The following BARX2 variants were observed in gnomAD, a reference collection of about 807,000 sequenced individuals.
BARX2 encodes the protein BARX homeobox 2, also known as homeobox protein BarH-like 2.
A neutral mutation model predicts 25.5 loss-of-function variants in BARX2; 11 were observed. That is an observed-to-expected ratio of 0.43 (90% CI 0.27 to 0.71). The LOEUF (loss-of-function observed/expected upper bound fraction) is 0.71. Ranked by LOEUF, BARX2 falls within the 30% of genes least tolerant of loss-of-function variation. The pLI is 0.19. For missense variants in BARX2, 360 were observed against 359.9 expected (o/e 1.00, Z 0.00); for synonymous variants, 137 against 149.5 (o/e 0.92, Z 0.61).
intron 1 of BARX2, among the ~76,000 whole-genome samples, chr11:129,400,345 G>A (rs531328273): frequency 6.6e-6 from 1 of 152,256 alleles, no homozygotes; most frequent in South Asian, 2.1e-4. Context: ...GAAGGAAGTG[G>A]GACTTAGCCC....
intron 1 of BARX2, among the ~76,000 whole-genome samples, chr11:129,410,616 C>T (rs999075188): frequency 1.3e-5 from 2 of 152,260 alleles, no homozygotes; most frequent in Non-Finnish European, 2.9e-5. Context: ...GGCCAGCAGG[C>T]CTCCCTATAG....
intron 1 of BARX2, among the ~76,000 whole-genome samples, chr11:129,414,868 A>C (rs1160666912): frequency 6.6e-6 from 1 of 152,262 alleles, no homozygotes; most frequent in African/African-American, 2.4e-5. Context: ...AAAATAATTA[A>C]AGAGAACAAT....
At chr11:129,380,985 C>A (rs539121957) in intron 1 of BARX2, among the ~76,000 whole-genome samples, 3 of 152,244 alleles carry the variant, frequency 2.0e-5, no homozygotes, top group African/African-American at 7.2e-5. Flanking sequence ...CCATGTTGGC[C>A]AGGCTGGTCT....
At chr11:129,380,923 C>G (rs1185463130) in intron 1 of BARX2, among the ~76,000 whole-genome samples, 3 of 151,896 alleles carry the variant, frequency 2.0e-5, no homozygotes, top group African/African-American at 7.3e-5. Flanking sequence ...ATTACAGGCG[C>G]CCATGACCAC....
At chr11:129,411,712 C>T (rs922269838) in intron 1 of BARX2, among the ~76,000 whole-genome samples, 6 of 152,246 alleles carry the variant, frequency 3.9e-5, no homozygotes, top group Non-Finnish European at 7.3e-5. Flanking sequence ...AGCTACTTCT[C>T]AGCTCTGGCC....
Position 129,434,635 on chromosome 11 carries a change from T to C in BARX2, c.188-2116T>C, listed in dbSNP as rs535294489. 2.0e-5 allele frequency among the ~76,000 whole-genome samples: 3 copies of C among 152,274 alleles called. No homozygotes were observed. In the East Asian group the frequency reaches 5.8e-4, roughly 29 times the overall value. ...TTAATTATTTTCCTGTTGAGAGATA[T>C]TAATATATAGGTTATTTCCCCTGCT... On this transcript the variant is annotated intron_variant, in intron 1 of 3. Coordinates refer to ENST00000281437, the MANE Select transcript of BARX2 (RefSeq NM_003658.5).
intron 2 of BARX2, among the ~76,000 whole-genome samples, chr11:129,439,954 G>C (rs540546361): frequency 6.6e-5 from 10 of 152,046 alleles, no homozygotes; most frequent in African/African-American, 2.2e-4. Flanking sequence ...AACCTCCTGG[G>C]GCTCCCTGAT....
intron 1 of BARX2, among the ~76,000 whole-genome samples, chr11:129,409,159 AT>A (rs776707233): frequency 1.3e-5 from 2 of 152,198 alleles, no homozygotes; most frequent in Non-Finnish European, 2.9e-5. Context: ...GTATAATGGA[AT>A]AACTTCCCCA....
intron 1 of BARX2, among the ~76,000 whole-genome samples, chr11:129,411,167 C>T (rs925645780): frequency 5.3e-5 from 8 of 151,856 alleles, no homozygotes; most frequent in East Asian, 1.9e-4. Flanking sequence ...GTCAAGAGTT[C>T]GAGACCATCC....
At chr11:129,392,600 A>G (rs7116796) in intron 1 of BARX2, among the ~76,000 whole-genome samples, 116,102 of 152,098 alleles carry the variant, frequency 0.76, 45,034 homozygotes, top group Admixed American at 0.87. Flanking sequence ...TATATGAATT[A>G]ACTTTTTTTT....
chr11:129,427,864 T>A (rs938990572), intron 1 of BARX2, among the ~76,000 whole-genome samples: 1 of 152,184 alleles, frequency 6.6e-6, no homozygotes, highest in Non-Finnish European at 1.5e-5. Context: ...ACGAGTTCAC[T>A]GACAGCTTTC....
intron 1 of BARX2, among the ~76,000 whole-genome samples, chr11:129,414,582 C>T (rs1056270371): frequency 4.5e-4 from 68 of 152,160 alleles, no homozygotes; most frequent in Admixed American, 4.3e-3. Context: ...AAATCCTTTC[C>T]CTAGGCTTCC....
intron 1 of BARX2, among the ~76,000 whole-genome samples, chr11:129,398,866 A>G (rs1045232533): frequency 1.3e-5 from 2 of 152,220 alleles, no homozygotes; most frequent in Non-Finnish European, 2.9e-5. Context: ...CTAGCTAAGC[A>G]GGGCAGTGAG....
At chr11:129,408,297 A>G (rs1001537896) in intron 1 of BARX2, among the ~76,000 whole-genome samples, 1 of 152,200 alleles carries the variant, frequency 6.6e-6, no homozygotes, top group East Asian at 1.9e-4. Flanking sequence ...CATGCAATAC[A>G]TTACTTTTTT....
rs529916322 is a variant in BARX2 at position 129,451,431 on chromosome 11, A to C, written c.*29A>C. The C allele has an allele frequency of 1.1e-5, 17 of 1,599,324 alleles. No homozygotes were observed. Among genetic ancestry groups the C allele is most frequent in the Middle Eastern group, 1.7e-4 (1 of 5,990 alleles). On this transcript the variant is annotated 3_prime_UTR_variant, in exon 4 of 4. Transcript: ENST00000281437. The stretch of plus-strand genomic sequence containing the variant: ...AAAACCCTTTTGAGGGAAGAGGGAG[A>C]CTGGGGAGAAGGGAAAAGAGAGAAG...
chr11:129,378,685 C>T (rs1177598386), intron 1 of BARX2, among the ~76,000 whole-genome samples: 1 of 149,180 alleles, frequency 6.7e-6, no homozygotes, highest in East Asian at 2.0e-4. Flanking sequence ...CTTTCTCAGC[C>T]TTTCATTTGC....
Position 129,449,623 on chromosome 11 carries a change from T to A in BARX2, c.574-1513T>A, listed in dbSNP as rs550272226. Among the ~76,000 whole-genome samples, 61 of 152,290 alleles carry A rather than the reference T, an allele frequency of 4.0e-4. No homozygotes were observed. The South Asian group carries it at 0.012, about 30-fold the overall frequency. On this transcript the variant is annotated intron_variant, in intron 3 of 3. Transcript: ENST00000281437. The stretch of plus-strand genomic sequence containing the variant: ...CTGTCTGCCTCCTGGGACTCTTGTG[T>A]GGGTCACAAATTGGGATAATAAGGG...
intron 1 of BARX2, among the ~76,000 whole-genome samples, chr11:129,405,164 T>A (rs567331847): frequency 6.6e-6 from 1 of 152,312 alleles, no homozygotes; most frequent in African/African-American, 2.4e-5. Context: ...ATTTCTTTCC[T>A]CTGGATGTGG....
At chr11:129,393,857 T>C (rs1861691714) in intron 1 of BARX2, among the ~76,000 whole-genome samples, 1 of 152,072 alleles carries the variant, frequency 6.6e-6, no homozygotes, top group Admixed American at 6.6e-5. Context: ...TTCAACACTT[T>C]GGGAGGCTGA....
Sources: gnomAD v4.1 joint callset for allele counts (sites outside exome capture counted in the v4.1 genomes callset) on GRCh38, gnomAD v4.1.1 for gene constraint, MANE v1.5 for transcripts, NCBI Gene and HGNC (gene_info 2026-07-23, HGNC 2026-07-21) for gene names.